The following GPC6 variants were observed in gnomAD, a reference collection of about 807,000 sequenced individuals.
GPC6 encodes the protein glypican-6.
Under a neutral mutation model 55.2 loss-of-function variants are expected in GPC6, and 14 were observed. The observed-to-expected ratio is 0.25, with a 90% CI of 0.17 to 0.40. The LOEUF (loss-of-function observed/expected upper bound fraction) is 0.40, where lower values mean the gene tolerates loss of function less well. Ranked by LOEUF, GPC6 falls within the 10% of genes least tolerant of loss-of-function variation. GPC6 has a pLI of 1.00. For synonymous variants in GPC6, 278 were observed against 259.6 expected, an observed-to-expected ratio of 1.07 and a Z score of -0.68; for missense variants, 641 against 708.5, an observed-to-expected ratio of 0.90 and a Z score of 1.08.
intron 6 of GPC6, among the ~76,000 whole-genome samples, chr13:94,327,892 G>C (rs1465447717): frequency 1.3e-5 from 2 of 152,120 alleles, no homozygotes; most frequent in Non-Finnish European, 2.9e-5. Context: ...AGATTTTCTA[G>C]GAGAGGAAAC....
intron 4 of GPC6, among the ~76,000 whole-genome samples, chr13:94,184,443 C>CA (rs1265974097): frequency 1.3e-5 from 2 of 151,598 alleles, no homozygotes; most frequent in African/African-American, 4.8e-5. Flanking sequence ...AATCAATAAG[C>CA]AAAAAACAAA....
chr13:93,548,166 C>A (rs1874931224), intron 2 of GPC6, among the ~76,000 whole-genome samples: 1 of 152,098 alleles, frequency 6.6e-6, no homozygotes, highest in Non-Finnish European at 1.5e-5. Context: ...TTTGGTTAGT[C>A]ATTTTGCATC....
Position 93,665,388 on chromosome 13 carries a change from G to T in GPC6, c.319+119967G>T, listed in dbSNP as rs141434805. On this transcript the variant is annotated intron_variant, in intron 2 of 8. Transcript: ENST00000377047. Reference sequence around the variant, plus strand: ...TCATTTGTGTTTTTAAGTGTGTGGAGGTTTTCTACATATATTAATATAGGT... The same window carrying T: ...TCATTTGTGTTTTTAAGTGTGTGGATGTTTTCTACATATATTAATATAGGT... 1.7e-3 allele frequency among the ~76,000 whole-genome samples: 265 copies of T among 152,160 alleles called. 2 individuals are homozygous for T. Among genetic ancestry groups the T allele is most frequent in the African/African-American group, 6.0e-3 (250 of 41,526 alleles).
chr13:94,130,956 G>C (rs1886981893), intron 4 of GPC6, among the ~76,000 whole-genome samples: 1 of 152,050 alleles, frequency 6.6e-6, no homozygotes, highest in Non-Finnish European at 1.5e-5. Context: ...CTACTGAGTT[G>C]AATAACTAGA....
chr13:94,306,257 A>T, intron 6 of GPC6, 134 bp downstream of exon 6: 1 of 862,940 alleles, frequency 1.2e-6, no homozygotes, highest in Non-Finnish European at 1.9e-6. Context: ...GTTCTTAATT[A>T]GAATATTGAA....
At chr13:93,954,635 A>G (rs1186812738) in intron 3 of GPC6, among the ~76,000 whole-genome samples, 1 of 152,182 alleles carries the variant, frequency 6.6e-6, no homozygotes, top group Non-Finnish European at 1.5e-5. Flanking sequence ...TAATTCATAG[A>G]GCACACAGAG....
chr13:93,613,605 A>G (rs1015188157), intron 2 of GPC6, among the ~76,000 whole-genome samples: 1 of 151,906 alleles, frequency 6.6e-6, no homozygotes, highest in Non-Finnish European at 1.5e-5. Flanking sequence ...TTGTTTGTCC[A>G]GTCCTTGGTC....
At chr13:93,507,036 T>C (rs1429565797) in intron 1 of GPC6, among the ~76,000 whole-genome samples, 1 of 113,824 alleles carries the variant, frequency 8.8e-6, no homozygotes, top group African/African-American at 3.4e-5. Context: ...CACTACAGCC[T>C]GGGCGACAGA....
chr13:93,848,080 A>T (rs1459098557), intron 3 of GPC6, among the ~76,000 whole-genome samples: 1 of 152,166 alleles, frequency 6.6e-6, no homozygotes, highest in African/African-American at 2.4e-5. Context: ...TAATGTCAGC[A>T]TCCCATAATC....
At chr13:93,264,047 T>C (rs1594059854) in intron 1 of GPC6, among the ~76,000 whole-genome samples, 1 of 152,238 alleles carries the variant, frequency 6.6e-6, no homozygotes, top group Middle Eastern at 3.4e-3. Context: ...CTATCCCTGC[T>C]TGATGCTAGC....
intron 4 of GPC6, among the ~76,000 whole-genome samples, chr13:94,038,396 A>C (rs905883213): frequency 6.6e-6 from 1 of 151,906 alleles, no homozygotes; most frequent in African/African-American, 2.4e-5. Context: ...CACACCAAAA[A>C]TAAAAACCAC....
At chr13:93,696,354 A>T (rs1372864563) in intron 2 of GPC6, among the ~76,000 whole-genome samples, 3 of 152,178 alleles carry the variant, frequency 2.0e-5, no homozygotes, top group Non-Finnish European at 4.4e-5. Context: ...AAAGCCATGG[A>T]CAGGATGAAA....
At chr13:93,649,550 C>A (rs2139597023) in intron 2 of GPC6, among the ~76,000 whole-genome samples, 1 of 152,242 alleles carries the variant, frequency 6.6e-6, no homozygotes, top group African/African-American at 2.4e-5. Flanking sequence ...CATAGATTGT[C>A]TTTTCAGAAG....
At chr13:93,337,886 C>A (rs1880103696) in intron 1 of GPC6, among the ~76,000 whole-genome samples, 1 of 152,100 alleles carries the variant, frequency 6.6e-6, no homozygotes, top group South Asian at 2.1e-4. Context: ...CCCTCTTTTT[C>A]TTCATGGATC....
intron 1 of GPC6, among the ~76,000 whole-genome samples, chr13:93,427,774 G>C (rs1877199315): frequency 6.6e-6 from 1 of 152,040 alleles, no homozygotes; most frequent in African/African-American, 2.4e-5. Flanking sequence ...ACACACAATA[G>C]TCCGTTCAGT....
chr13:93,238,254 G>A (rs1435971392), intron 1 of GPC6, among the ~76,000 whole-genome samples: 1 of 151,952 alleles, frequency 6.6e-6, no homozygotes, highest in Non-Finnish European at 1.5e-5. Flanking sequence ...TCAGCGTTTT[G>A]TAGCTCTCCT....
intron 6 of GPC6, among the ~76,000 whole-genome samples, chr13:94,366,790 C>A (rs1002832291): frequency 6.6e-6 from 1 of 152,120 alleles, no homozygotes; most frequent in Non-Finnish European, 1.5e-5. Flanking sequence ...AAGCAGAGAG[C>A]GAGAGAGCAG....
chr13:93,463,378 G>A (rs1413973964), intron 1 of GPC6, among the ~76,000 whole-genome samples: 2 of 152,202 alleles, frequency 1.3e-5, no homozygotes, highest in Non-Finnish European at 2.9e-5. Flanking sequence ...AGACCAGGTG[G>A]ACGTGACTTA....
In GPC6 at chr13:93,431,449, CAG is replaced by C. The variant is rs1366083148; in HGVS notation, c.161-113812_161-113811del. ...TTGATAAATATAAAAAAATACATAA[CAG>C]ATAATTCTTTAATATTGAAGATAAA... On this transcript the variant is annotated intron_variant, in intron 1 of 8. Coordinates refer to ENST00000377047, the MANE Select transcript of GPC6 (RefSeq NM_005708.5). Among the ~76,000 whole-genome samples, 3 of 152,088 alleles carry C rather than the reference CAG, an allele frequency of 2.0e-5. 1 individual carries two copies. In the East Asian group the frequency reaches 5.8e-4, roughly 29 times the overall value.
Sources: gnomAD v4.1 joint callset for allele counts (sites outside exome capture counted in the v4.1 genomes callset) on GRCh38, gnomAD v4.1.1 for gene constraint, MANE v1.5 for transcripts, NCBI Gene and HGNC (gene_info 2026-07-23, HGNC 2026-07-21) for gene names.